Variants in TIMM22 observed in about 807,000 individuals in gnomAD.
The protein encoded by TIMM22 is mitochondrial import inner membrane translocase subunit Tim22.
A neutral mutation model predicts 18.3 loss-of-function variants in TIMM22; 12 were observed. The ratio of observed to expected loss-of-function variants is 0.65; its 90% CI spans 0.42 to 1.06. The LOEUF is 1.06. Among genes scored for constraint, TIMM22 ranks in the 50% least tolerant of loss-of-function variants. The pLI is 0.00. For missense variants in TIMM22, 278 were observed against 252.8 expected (o/e 1.10, Z -0.68); for synonymous variants, 107 against 98.5 (o/e 1.09, Z -0.51).
At position 1,002,057 on chromosome 17, in the gene TIMM22, G is replaced by A. The variant is rs1313177791; in HGVS notation, c.*969G>A. ...TGAGGGGCTGTTCACCACCATCCTC[G>A]TTCTCCAGGGTCAAGGAAGTGTTTT... On this transcript the variant is annotated 3_prime_UTR_variant, in exon 4 of 4. Coordinates refer to ENST00000327158, the MANE Select transcript of TIMM22 (RefSeq NM_013337.4). 2.0e-5 allele frequency: 3 copies of A among 151,798 alleles called. No homozygotes were observed. Among genetic ancestry groups the A allele is most frequent in the South Asian group, 2.1e-4 (1 of 4,814 alleles). 9.4% of individuals were successfully genotyped at this position (151,798 alleles called of 1,614,324 possible).
In TIMM22 at chr17:1,001,169, G is replaced by A; in HGVS notation, c.*81G>A. On this transcript the variant is annotated 3_prime_UTR_variant, in exon 4 of 4. Transcript: ENST00000327158. Reference sequence around the variant, plus strand: ...GAGGACAGTTTCTGTACCACACCAGGGCCTTGCTTCAGGGCCTGAAGACAT... The same window carrying A: ...GAGGACAGTTTCTGTACCACACCAGAGCCTTGCTTCAGGGCCTGAAGACAT... 4 of 1,480,862 alleles carry A rather than the reference G, an allele frequency of 2.7e-6. No individual in the cohort carries two copies. The highest frequency in any genetic ancestry group is 3.8e-6 in the Non-Finnish European group (4 of 1,062,976). 91.7% of individuals were successfully genotyped at this position (1,480,862 alleles called of 1,614,324 possible).
At position 1,002,762 on chromosome 17, in the gene TIMM22, T is replaced by C. The variant is rs931036036; in HGVS notation, c.*1674T>C. On this transcript the variant is annotated 3_prime_UTR_variant, in exon 4 of 4. Transcript: ENST00000327158. ...GTACCTGTCAAAGTCCTAGGATGCC[T>C]GGGATCTTCCATCTTTCAGTCTAGC... 1 of 152,184 alleles carries C rather than the reference T, an allele frequency of 6.6e-6. No individual in the cohort carries two copies. Among genetic ancestry groups the C allele is most frequent in the African/African-American group, 2.4e-5 (1 of 41,444 alleles). 9.4% of individuals were successfully genotyped at this position (152,184 alleles called of 1,614,324 possible).
In TIMM22 at chr17:997,154, C is replaced by T. The variant is rs1348100002; in HGVS notation, c.12C>T (p.Ala4=). The change falls in exon 1 of 4, where the codon GCC becomes GCT. Residue 4 remains alanine (A), a synonymous_variant. Coordinates refer to ENST00000327158, the MANE Select transcript of TIMM22 (RefSeq NM_013337.4). MAA[A]APNAGGSAPE... ...GGGCAGCGACTGTCATGGCGGCGGC[C>T]GCCCCCAATGCCGGAGGCTCGGCCC... 6.2e-6 allele frequency: 10 copies of T among 1,608,550 alleles called. No individual in the cohort carries two copies. Among genetic ancestry groups the T allele is most frequent in the South Asian group, 2.2e-5 (2 of 90,900 alleles).
intron 3 of TIMM22, among the ~76,000 whole-genome samples, chr17:999,902 C>CTT (rs11424083): frequency 4.2e-4 from 62 of 147,870 alleles, no homozygotes; most frequent in Non-Finnish European, 7.3e-4. Flanking sequence ...GTTGTAACAA[C>CTT]TTTTTTTTTT....
At chr17:999,676 CT>C in intron 3 of TIMM22, 92 bp downstream of exon 3, 1 of 1,155,938 alleles carries the variant, frequency 8.7e-7, no homozygotes, top group South Asian at 1.4e-5. Flanking sequence ...TCCAGGGACA[CT>C]TGATCTTCTT....
intron 1 of TIMM22, among the ~76,000 whole-genome samples, chr17:998,399 G>A (rs952917364): frequency 6.6e-6 from 1 of 152,186 alleles, no homozygotes; most frequent in African/African-American, 2.4e-5. Flanking sequence ...GAATGAGGCT[G>A]TGGCATACTG....
Position 997,204 on chromosome 17 carries a change from C to T in TIMM22, c.62C>T (p.Ala21Val). The T allele has an allele frequency of 6.2e-7, 1 of 1,612,682 alleles. No individual in the cohort carries two copies. Among genetic ancestry groups the T allele is most frequent in the African/African-American group, 1.3e-5 (1 of 75,072 alleles). ...CCTGAGACAGCGGGTTCCGCCGAAGCTCCGCTGCAGTACAGCCTGCTCCTG... is the reference window on the plus strand; with the variant it reads ...CCTGAGACAGCGGGTTCCGCCGAAGTTCCGCTGCAGTACAGCCTGCTCCTG... ...SAPETAGSAE[A>V]PLQYSLLLQY... is the part of the protein sequence containing the mutation. Residue 21 changes from alanine (A) to valine (V), a missense_variant, in exon 1 of 4, where the codon GCT (alanine) becomes GTT (valine). Ala to Val is a moderately conservative substitution (Grantham distance 64, BLOSUM62 0). Coordinates refer to ENST00000327158, the MANE Select transcript of TIMM22 (RefSeq NM_013337.4).
In TIMM22 at chr17:998,834, G is replaced by A; in HGVS notation, c.294G>A (p.Val98=). Residue 98 remains valine, a synonymous_variant, in exon 2 of 4, where the codon GTG becomes GTA. Transcript: ENST00000327158. The part of the protein sequence containing the change: ...GVFTAGIDTN[V]GFDPKDPYRT... ...TTACCGCTGGCATCGATACCAACGT[G>A]GGCTTTGACCCTAAGGATCCTTACC... is the stretch of plus-strand genomic sequence containing the variant. 3 of 1,614,096 alleles carry A rather than the reference G, an allele frequency of 1.9e-6. No individual in the cohort carries two copies. The highest frequency in any genetic ancestry group is 2.2e-5 in the East Asian group (1 of 44,876).
rs1296060703 is a variant in TIMM22 at position 1,002,855 on chromosome 17, C to T, written c.*1767C>T. 3 of 152,206 alleles carry T rather than the reference C, an allele frequency of 2.0e-5. No individual in the cohort carries two copies. In the East Asian group the frequency reaches 5.8e-4, roughly 29 times the overall value. 9.4% of individuals were successfully genotyped at this position (152,206 alleles called of 1,614,324 possible). On this transcript the variant is annotated 3_prime_UTR_variant, in exon 4 of 4. Transcript: ENST00000327158. ...TGGAAAAGATGAGCGCCAGGGCTGT[C>T]AGTACCCATCGGTTCAGTAAGCGAG...
intron 1 of TIMM22, 83 bp downstream of exon 1, chr17:997,463 G>A (rs2069695255): frequency 7.2e-7 from 1 of 1,385,842 alleles, no homozygotes; most frequent in Non-Finnish European, 9.9e-7. Context: ...ACGCGCCTGG[G>A]AGGCGAGGGA....
At chr17:998,589 C>T (rs1447230594) in intron 1 of TIMM22, among the ~76,000 whole-genome samples, 190 bp from the exon 2 acceptor site, 5 of 152,094 alleles carry the variant, frequency 3.3e-5, no homozygotes, top group African/African-American at 4.8e-5. Context: ...ATCTTAGAGA[C>T]GGAGAAGATG....
At chr17:997,521 G>A (rs1272430451) in intron 1 of TIMM22, 141 bp downstream of exon 1, 2 of 805,700 alleles carry the variant, frequency 2.5e-6, no homozygotes, top group Non-Finnish European at 1.9e-6. Flanking sequence ...CGTGAATCGG[G>A]CGTCACCTCT....
intron 3 of TIMM22, 90 bp downstream of exon 3, chr17:999,674 C>T (rs1050879172): frequency 9.9e-5 from 118 of 1,193,000 alleles, no homozygotes; most frequent in Middle Eastern, 1.9e-4. Context: ...GTTCCAGGGA[C>T]ACTTGATCTT....
Position 997,215 on chromosome 17 carries a change from T to G in TIMM22, c.73T>G (p.Tyr25Asp). The change falls in exon 1 of 4, where the codon TAC becomes GAC. Residue 25 changes from tyrosine (Y) to aspartate (D), a missense_variant. Transcript: ENST00000327158. ...GGGTTCCGCCGAAGCTCCGCTGCAG[T>G]ACAGCCTGCTCCTGCAGTACCTGGT... ...TAGSAEAPLQ[Y>D]SLLLQYLVGD... 1 of 1,612,990 alleles carries G rather than the reference T, an allele frequency of 6.2e-7. No homozygotes were observed. The highest frequency in any genetic ancestry group is 8.5e-7 in the Non-Finnish European group (1 of 1,179,906).
chr17:1,000,404 G>A lies in TIMM22; in HGVS notation c.509-608G>A, dbSNP rs1013227541. On this transcript the variant is annotated intron_variant, in intron 3 of 3. Coordinates refer to ENST00000327158, the MANE Select transcript of TIMM22 (RefSeq NM_013337.4). Reference sequence around the variant, plus strand: ...GCATGTCCATTCAGAGCGTGGTGGAGGGCCTTGGTGACTTGACTTTCCTAG... The same window carrying A: ...GCATGTCCATTCAGAGCGTGGTGGAAGGCCTTGGTGACTTGACTTTCCTAG... 4.0e-5 allele frequency among the ~76,000 whole-genome samples: 6 copies of A among 151,888 alleles called. 1 individual carries two copies. Among genetic ancestry groups the A allele is most frequent in the Admixed American group, 2.6e-4 (4 of 15,248 alleles).
In TIMM22 at chr17:1,002,613, A is replaced by C. The variant is rs1451925211; in HGVS notation, c.*1525A>C. 1 of 152,188 alleles carries C rather than the reference A, an allele frequency of 6.6e-6. No homozygotes were observed. The highest frequency in any genetic ancestry group is 1.5e-5 in the Non-Finnish European group (1 of 68,036). 9.4% of individuals were successfully genotyped at this position (152,188 alleles called of 1,614,324 possible). A position where few individuals can be genotyped will look rare whatever the true frequency, so the allele number is the denominator to read the frequency against. On this transcript the variant is annotated 3_prime_UTR_variant, in exon 4 of 4. Transcript: ENST00000327158. The stretch of plus-strand genomic sequence containing the variant: ...CGCCCCTCCCAGTCTCACAGCTAGG[A>C]GGCTTCATCACTGCTAGGCCAGTTG...
In TIMM22 at chr17:998,802, G is replaced by C. The variant is rs751595133; in HGVS notation, c.262G>C (p.Gly88Arg). 6.2e-7 allele frequency: 1 copy of C among 1,613,762 alleles called. No homozygotes were observed. The highest frequency in any genetic ancestry group is 8.5e-7 in the Non-Finnish European group (1 of 1,179,784). The stretch of plus-strand genomic sequence containing the variant: ...AGGATTTGTCTTAGGAGGTGCATTT[G>C]GGGTGTTTACCGCTGGCATCGATAC... ...VGGFVLGGAF[G>R]VFTAGIDTNV... The change falls in exon 2 of 4, where the codon GGG becomes CGG. Residue 88 changes from glycine (G) to arginine (R), a missense_variant. Coordinates refer to ENST00000327158, the MANE Select transcript of TIMM22 (RefSeq NM_013337.4).
chr17:1,000,475 C>A (rs1246998760), intron 3 of TIMM22, among the ~76,000 whole-genome samples: 1 of 152,148 alleles, frequency 6.6e-6, no homozygotes, highest in East Asian at 1.9e-4. Context: ...CTGTCATGCC[C>A]TAACTTACCC....
At chr17:999,666 TC>T in intron 3 of TIMM22, 82 bp downstream of exon 3, 4 of 1,259,594 alleles carry the variant, frequency 3.2e-6, no homozygotes, top group South Asian at 1.3e-5. Context: ...ACACGAGTGT[TC>T]CAGGGACACT....
Sources: gnomAD v4.1 joint callset for allele counts (sites outside exome capture counted in the v4.1 genomes callset) on GRCh38, gnomAD v4.1.1 for gene constraint, MANE v1.5 for transcripts, NCBI Gene and HGNC (gene_info 2026-07-23, HGNC 2026-07-21) for gene names.